Variants in ANKRD31 observed in about 807,000 individuals in gnomAD.
ANKRD31 encodes ankyrin repeat domain 31.
ANKRD31 carries 147 observed loss-of-function variants against 186.0 expected under a neutral mutation model. The ratio of observed to expected loss-of-function variants is 0.79; its 90% confidence interval spans 0.69 to 0.91. ANKRD31 has a LOEUF of 0.91. Among genes scored for constraint, ANKRD31 ranks in the 40% least tolerant of loss-of-function variants. The pLI is 0.00. For synonymous variants in ANKRD31, 673 were observed against 736.4 expected (o/e 0.91, Z 1.39); for missense variants, 1,986 against 2,148.8 (o/e 0.92, Z 1.50).
intron 17 of ANKRD31, among the ~76,000 whole-genome samples, chr5:75,122,065 C>T (rs1174186902): frequency 6.6e-6 from 1 of 151,912 alleles, no homozygotes. Flanking sequence ...TGATAAATTG[C>T]TATCTAGACT....
chr5:75,192,987 C>T (rs1050443877), intron 8 of ANKRD31, among the ~76,000 whole-genome samples: 4 of 152,058 alleles, frequency 2.6e-5, no homozygotes, highest in African/African-American at 7.2e-5. Flanking sequence ...CCTCTCTTTG[C>T]GCGACCTGTG....
chr5:75,196,720 G>A (rs548271826), intron 6 of ANKRD31, among the ~76,000 whole-genome samples: 1 of 152,120 alleles, frequency 6.6e-6, no homozygotes, highest in Non-Finnish European at 1.5e-5. Flanking sequence ...GTGGAGAAAT[G>A]AGGGTACAGT....
intron 10 of ANKRD31, among the ~76,000 whole-genome samples, chr5:75,187,138 G>GTGTGTGTC (rs1356507861): frequency 6.6e-6 from 1 of 151,222 alleles, no homozygotes; most frequent in African/African-American, 2.4e-5. Flanking sequence ...GTGTGTGTGT[G>GTGTGTGTC]TGTGTGTGTG....
intron 1 of ANKRD31, among the ~76,000 whole-genome samples, chr5:75,232,826 T>C (rs1042295325): frequency 2.0e-5 from 3 of 152,096 alleles, no homozygotes; most frequent in East Asian, 3.9e-4. Flanking sequence ...GCTTCCCTTT[T>C]CCTTCTTGAA....
chr5:75,207,581 T>C (rs1221409572), intron 4 of ANKRD31, among the ~76,000 whole-genome samples: 1 of 152,040 alleles, frequency 6.6e-6, no homozygotes, highest in Non-Finnish European at 1.5e-5. Flanking sequence ...GTCATCAAAA[T>C]TCACATTTTT....
Position 75,163,856 on chromosome 5 carries a change from C to A in ANKRD31, c.1707+5123G>T, listed in dbSNP as rs148868207. On this transcript the variant is annotated intron_variant, in intron 11 of 25. Transcript: ENST00000506364. ...TGATGACTGTGATGCTAGCCACTTA[C>A]TGAAATTTCTCTTCTTGTTCCAGTT... Among the ~76,000 whole-genome samples the A allele has an allele frequency of 5.9e-4, 90 of 152,292 alleles. 1 individual carries two copies. The highest frequency in any genetic ancestry group is 2.1e-3 in the African/African-American group (86 of 41,564).
At position 75,154,323 on chromosome 5, in the gene ANKRD31, T is replaced by G; in HGVS notation, c.1730A>C (p.Asn577Thr). The G allele has an allele frequency of 6.5e-7, 1 of 1,532,734 alleles. No homozygotes were observed. Among genetic ancestry groups the G allele is most frequent in the Non-Finnish European group, 8.7e-7 (1 of 1,145,020 alleles). 94.9% of individuals were successfully genotyped at this position (1,532,734 alleles called of 1,614,324 possible). ...ATTTCTAAATAATGGATCAGCTCCATTCAGAAGAAGTAACTCTGCCACCTA... is the reference window on the plus strand; with the variant it reads ...ATTTCTAAATAATGGATCAGCTCCAGTCAGAAGAAGTAACTCTGCCACCTA... The part of the protein sequence containing the change: ...HYKVAELLLL[N>T]GADPLFRNDD... Residue 577 changes from asparagine to threonine, a missense_variant, in exon 12 of 26, where the codon AAT (asparagine) becomes ACT (threonine). Physicochemically the swap from Asn to Thr is moderately conservative, Grantham distance 65 (BLOSUM62 0). Coordinates refer to ENST00000506364, the MANE Select transcript of ANKRD31 (RefSeq NM_001372053.1).
intron 10 of ANKRD31, among the ~76,000 whole-genome samples, chr5:75,179,119 A>C (rs1421492620): frequency 2.0e-5 from 3 of 152,118 alleles, no homozygotes; most frequent in African/African-American, 7.2e-5. Flanking sequence ...TATGCAAATA[A>C]ACTAGAAAAT....
At chr5:75,190,802 C>T (rs1225989152) in intron 9 of ANKRD31, among the ~76,000 whole-genome samples, 1 of 151,868 alleles carries the variant, frequency 6.6e-6, no homozygotes, top group Non-Finnish European at 1.5e-5. Flanking sequence ...AGTATATACC[C>T]ATGAAACCAT....
intron 12 of ANKRD31, among the ~76,000 whole-genome samples, chr5:75,149,424 A>T (rs975768503): frequency 3.3e-5 from 5 of 151,954 alleles, no homozygotes; most frequent in Non-Finnish European, 5.9e-5. Context: ...AATTTAATTT[A>T]TTTCTTGGGG....
In ANKRD31 at chr5:75,209,215, A is replaced by G. The variant is rs1301720116; in HGVS notation, c.326+1613T>C. Among the ~76,000 whole-genome samples the G allele has an allele frequency of 4.6e-5, 7 of 152,100 alleles. 1 individual carries two copies. Among genetic ancestry groups the G allele is most frequent in the Admixed American group, 2.6e-4 (4 of 15,262 alleles). ...TTTACATGATTTTGTAACATCATGC[A>G]TTGGTCTTTTAGAAAATACTTATGC... On this transcript the variant is annotated intron_variant, in intron 4 of 25. Coordinates refer to ENST00000506364, the MANE Select transcript of ANKRD31 (RefSeq NM_001372053.1).
At chr5:75,117,581 G>A (rs1402153096) in intron 18 of ANKRD31, among the ~76,000 whole-genome samples, 1 of 152,002 alleles carries the variant, frequency 6.6e-6, no homozygotes. Context: ...TCTCCCTCAT[G>A]GTGAGAATAT....
chr5:75,133,527 G>A (rs1486452104), intron 17 of ANKRD31, among the ~76,000 whole-genome samples: 1 of 152,160 alleles, frequency 6.6e-6, no homozygotes, highest in African/African-American at 2.4e-5. Context: ...ACTCCTTAGT[G>A]TACTACAAAG....
intron 11 of ANKRD31, among the ~76,000 whole-genome samples, chr5:75,157,605 A>C (rs1752273276): frequency 6.6e-6 from 1 of 152,208 alleles, no homozygotes; most frequent in African/African-American, 2.4e-5. Flanking sequence ...GAGAGTAGGA[A>C]TGTGACTCAT....
intron 1 of ANKRD31, among the ~76,000 whole-genome samples, chr5:75,235,871 T>C (rs868520056): frequency 1.4e-4 from 22 of 152,230 alleles, no homozygotes; most frequent in Admixed American, 2.0e-4. Context: ...CAAAGAAACC[T>C]GTCTTTCTGA....
intron 1 of ANKRD31, among the ~76,000 whole-genome samples, chr5:75,236,218 G>T (rs993331959): frequency 6.6e-6 from 1 of 152,170 alleles, no homozygotes; most frequent in Non-Finnish European, 1.5e-5. Flanking sequence ...CTAGAACTGA[G>T]CTACGAGTCT....
intron 11 of ANKRD31, among the ~76,000 whole-genome samples, chr5:75,162,869 A>G (rs1409306375): frequency 1.4e-5 from 2 of 144,244 alleles, no homozygotes; most frequent in Non-Finnish European, 3.1e-5. Context: ...TCCTTTTAGA[A>G]AGGAAAAAAA....
chr5:75,227,710 A>G (rs182343423), intron 2 of ANKRD31, among the ~76,000 whole-genome samples: 1 of 152,234 alleles, frequency 6.6e-6, no homozygotes, highest in East Asian at 1.9e-4. Context: ...TCCCTTCTCT[A>G]TTCCTTTACT....
intron 12 of ANKRD31, among the ~76,000 whole-genome samples, chr5:75,151,574 C>A (rs1751842946): frequency 6.6e-6 from 1 of 152,048 alleles, no homozygotes; most frequent in African/African-American, 2.4e-5. Flanking sequence ...CCTTAGGCCT[C>A]CCTAGTCCTG....
Sources: allele counts gnomAD v4.1 joint callset (sites outside exome capture counted in the v4.1 genomes callset), GRCh38; gene constraint gnomAD v4.1.1; transcripts MANE v1.5; gene names NCBI Gene and HGNC (gene_info 2026-07-23, HGNC 2026-07-21).